Variants in CACNA2D3 observed in about 807,000 individuals in gnomAD.
The protein encoded by CACNA2D3 is voltage-dependent calcium channel subunit alpha-2/delta-3.
CACNA2D3 carries 60 observed loss-of-function variants against 160.6 expected under a neutral mutation model. The observed-to-expected ratio is 0.37, with a 90% confidence interval of 0.30 to 0.46. The LOEUF (loss-of-function observed/expected upper bound fraction) is 0.46. CACNA2D3 is among the 20% of genes least tolerant of loss of function. The probability of loss-of-function intolerance (pLI) is 1.00; values close to 1 mark genes in which losing one functional copy is unlikely to be tolerated. For missense variants in CACNA2D3, 1,205 were observed against 1,365.0 expected (o/e 0.88, Z 1.85); for synonymous variants, 558 against 492.9 (o/e 1.13, Z -1.75).
At chr3:54,563,243 A>C (rs929207490) in intron 6 of CACNA2D3, among the ~76,000 whole-genome samples, 6 of 152,184 alleles carry the variant, frequency 3.9e-5, no homozygotes, top group African/African-American at 1.4e-4. Flanking sequence ...TCTGAACAAG[A>C]GTTTGGCCTT....
At chr3:54,335,329 C>T in intron 3 of CACNA2D3, among the ~76,000 whole-genome samples, 1 of 152,310 alleles carries the variant, frequency 6.6e-6, no homozygotes, top group East Asian at 1.9e-4. Flanking sequence ...AGAATGGCTA[C>T]TCCATAGGCA....
chr3:54,407,154 G>C (rs1699591688), intron 4 of CACNA2D3, among the ~76,000 whole-genome samples: 1 of 152,120 alleles, frequency 6.6e-6, no homozygotes, highest in South Asian at 2.1e-4. Flanking sequence ...GCTCCAATCT[G>C]TCAGTCTCCA....
chr3:54,753,136 C>T (rs1320849516), intron 12 of CACNA2D3, among the ~76,000 whole-genome samples: 1 of 152,242 alleles, frequency 6.6e-6, no homozygotes, highest in Non-Finnish European at 1.5e-5. Flanking sequence ...GGCCTCATTA[C>T]AGGCATGAGC....
At chr3:54,746,638 A>G (rs1330067377) in intron 11 of CACNA2D3, among the ~76,000 whole-genome samples, 2 of 152,218 alleles carry the variant, frequency 1.3e-5, no homozygotes, top group African/African-American at 2.4e-5. Flanking sequence ...TAAATAATTC[A>G]TATAACTTGC....
chr3:54,248,494 AAAAG>A (rs1420046973), intron 2 of CACNA2D3, among the ~76,000 whole-genome samples: 1 of 151,504 alleles, frequency 6.6e-6, no homozygotes, highest in African/African-American at 2.4e-5. Flanking sequence ...AAAAAAAAAA[AAAAG>A]AAAAAGAAAA....
chr3:54,883,799 A>ATCTCTCTCTCTCTCTCTCTCTCTCTCC (rs9311543), intron 21 of CACNA2D3, among the ~76,000 whole-genome samples: 1 of 107,422 alleles, frequency 9.3e-6, no homozygotes, highest in Non-Finnish European at 1.9e-5. Flanking sequence ...TTACAATGGA[A>ATCTCTCTCTCTCTCTCTCTCTCTCTCC]TCTCTCTCTC....
intron 35 of CACNA2D3, among the ~76,000 whole-genome samples, chr3:55,021,550 A>ATAT (rs912050466): frequency 9.3e-5 from 14 of 149,924 alleles, no homozygotes; most frequent in Non-Finnish European, 2.1e-4. Flanking sequence ...ATATAAGCAT[A>ATAT]TATATGTCTA....
chr3:54,889,564 C>T (rs759810936), intron 24 of CACNA2D3, among the ~76,000 whole-genome samples: 7 of 152,134 alleles, frequency 4.6e-5, no homozygotes, highest in East Asian at 1.9e-4. Flanking sequence ...TTTGCTAACA[C>T]GAGAGACACT....
At chr3:54,994,713 C>G (rs1702818248) in intron 31 of CACNA2D3, among the ~76,000 whole-genome samples, 1 of 152,158 alleles carries the variant, frequency 6.6e-6, no homozygotes, top group Non-Finnish European at 1.5e-5. Context: ...CATGAAGTAA[C>G]TACTATTATT....
intron 26 of CACNA2D3, among the ~76,000 whole-genome samples, chr3:54,898,936 T>C (rs1482673051): frequency 6.6e-6 from 1 of 152,246 alleles, no homozygotes; most frequent in African/African-American, 2.4e-5. Context: ...ATGTGTTGAA[T>C]ACCTGTACAA....
chr3:54,725,377 A>C (rs1262728518), intron 11 of CACNA2D3, among the ~76,000 whole-genome samples: 1 of 152,340 alleles, frequency 6.6e-6, no homozygotes, highest in East Asian at 1.9e-4. Flanking sequence ...TATTCCAATC[A>C]ATAGAAAAAG....
intron 11 of CACNA2D3, among the ~76,000 whole-genome samples, chr3:54,706,797 C>A (rs762124784): frequency 1.3e-5 from 2 of 152,176 alleles, no homozygotes; most frequent in African/African-American, 2.4e-5. Flanking sequence ...ACTGACTGTG[C>A]CAGAATCCCA....
chr3:54,213,448 T>C (rs1701411662), intron 2 of CACNA2D3, among the ~76,000 whole-genome samples: 1 of 152,246 alleles, frequency 6.6e-6, no homozygotes, highest in South Asian at 2.1e-4. Context: ...AATTGCTCTC[T>C]CAGTATTCTT....
At chr3:54,942,369 G>A (rs946348153) in intron 27 of CACNA2D3, among the ~76,000 whole-genome samples, 1 of 152,184 alleles carries the variant, frequency 6.6e-6, no homozygotes, top group Non-Finnish European at 1.5e-5. Flanking sequence ...TCCCACAGTG[G>A]CAGCAGCCTC....
At chr3:54,969,407 C>G (rs1185924175) in intron 28 of CACNA2D3, among the ~76,000 whole-genome samples, 1 of 151,826 alleles carries the variant, frequency 6.6e-6, no homozygotes, top group African/African-American at 2.4e-5. Flanking sequence ...TTACAGGTGC[C>G]TGCCACCACA....
intron 2 of CACNA2D3, among the ~76,000 whole-genome samples, chr3:54,189,978 C>T (rs1424431394): frequency 1.3e-5 from 2 of 152,224 alleles, no homozygotes; most frequent in Non-Finnish European, 2.9e-5. Flanking sequence ...CAAAATGCCA[C>T]AGACTGAGTA....
intron 5 of CACNA2D3, among the ~76,000 whole-genome samples, chr3:54,529,403 G>A (rs1434212603): frequency 1.3e-5 from 2 of 152,176 alleles, no homozygotes; most frequent in Non-Finnish European, 2.9e-5. Context: ...TCTGAGCTAT[G>A]GGGGCCAGGA....
At chr3:54,655,231 G>A (rs1046560553) in intron 11 of CACNA2D3, among the ~76,000 whole-genome samples, 1 of 152,192 alleles carries the variant, frequency 6.6e-6, no homozygotes, top group African/African-American at 2.4e-5. Context: ...TGGGAGCGCA[G>A]TGCTGCCTAA....
chr3:54,821,808 G>A (rs1190831754), intron 14 of CACNA2D3, among the ~76,000 whole-genome samples: 1 of 151,380 alleles, frequency 6.6e-6, no homozygotes, highest in African/African-American at 2.4e-5. Context: ...TCTTATCTCA[G>A]GGTAATCAGA....
Sources: gnomAD v4.1 joint callset for allele counts (sites outside exome capture counted in the v4.1 genomes callset) on GRCh38, gnomAD v4.1.1 for gene constraint, MANE v1.5 for transcripts, NCBI Gene and HGNC (gene_info 2026-07-23, HGNC 2026-07-21) for gene names.